Variants in ETV1 observed in about 807,000 individuals in gnomAD.
ETV1 encodes ETS translocation variant 1.
ETV1 carries 27 observed loss-of-function variants against 62.3 expected under a neutral mutation model. That is an observed-to-expected ratio of 0.43 (90% confidence interval 0.32 to 0.60). The LOEUF is 0.60. ETV1 is among the 20% of genes least tolerant of loss of function. ETV1 has a pLI of 0.06. For synonymous variants in ETV1, 222 were observed against 199.6 expected (o/e 1.11, Z -0.94); for missense variants, 605 against 605.8 (o/e 1.00, Z 0.01).
At chr7:13,921,370 C>T (rs1784829270) in intron 9 of ETV1, among the ~76,000 whole-genome samples, 1 of 151,984 alleles carries the variant, frequency 6.6e-6, no homozygotes, top group Non-Finnish European at 1.5e-5. Flanking sequence ...AATATATAAG[C>T]AATTATGGAA....
intron 13 of ETV1, among the ~76,000 whole-genome samples, chr7:13,896,715 G>GAA (rs2128400341): frequency 1.0e-5 from 1 of 99,566 alleles, no homozygotes; most frequent in South Asian, 3.4e-4. Context: ...AAAGAAAGGA[G>GAA]AGAGAAAGAA....
chr7:13,986,160 C>T, intron 5 of ETV1: 2 of 1,594,652 alleles, frequency 1.3e-6, no homozygotes, highest in Non-Finnish European at 1.7e-6. Context: ...GACACTTGCA[C>T]TTAAATCTTG....
At chr7:13,957,576 G>A (rs1406280083) in intron 6 of ETV1, among the ~76,000 whole-genome samples, 1 of 152,186 alleles carries the variant, frequency 6.6e-6, no homozygotes, top group South Asian at 2.1e-4. Flanking sequence ...GTGGAAACTT[G>A]CATATGGAAT....
intron 9 of ETV1, among the ~76,000 whole-genome samples, chr7:13,927,452 A>AAAATAC (rs1350048372): frequency 2.0e-5 from 3 of 152,212 alleles, no homozygotes; most frequent in East Asian, 3.9e-4. Flanking sequence ...ACTACATCTC[A>AAAATAC]AAATACAAAT....
intron 5 of ETV1, among the ~76,000 whole-genome samples, chr7:13,981,016 G>A (rs912396989): frequency 4.0e-5 from 6 of 151,876 alleles, no homozygotes; most frequent in Admixed American, 6.6e-5. Flanking sequence ...GAAAAAGTAA[G>A]CGATGAAAAA....
At position 13,893,439 on chromosome 7, in the gene ETV1, G is replaced by T. The variant is rs897836518; in HGVS notation, c.*2427C>A. 1 of 230,350 alleles carries T rather than the reference G, an allele frequency of 4.3e-6. No individual in the cohort carries two copies. Among genetic ancestry groups the T allele is most frequent in the African/African-American group, 2.2e-5 (1 of 45,194 alleles). The allele number at this position is 230,350 out of a possible 1,614,324, so 14.3% of individuals were successfully genotyped here. A position where few individuals can be genotyped will look rare whatever the true frequency, so the allele number is the denominator to read the frequency against. On this transcript the variant is annotated 3_prime_UTR_variant, in exon 14 of 14. Transcript: ENST00000430479. ...TGTATTGGAAATACACTTAATGTTG[G>T]TCAATTATGTATTTAGTTCAGTGAG...
At chr7:13,938,827 C>A (rs933756259) in intron 7 of ETV1, among the ~76,000 whole-genome samples, 9 of 152,316 alleles carry the variant, frequency 5.9e-5, no homozygotes, top group African/African-American at 2.2e-4. Context: ...CTAATGGGAA[C>A]TTTCAAAAGC....
At chr7:13,917,297 T>G (rs1784285243) in intron 9 of ETV1, among the ~76,000 whole-genome samples, 1 of 128,278 alleles carries the variant, frequency 7.8e-6, no homozygotes, top group Admixed American at 7.9e-5. Context: ...AGTATTTATT[T>G]ATTTATTTAT....
intron 5 of ETV1, among the ~76,000 whole-genome samples, chr7:13,981,891 T>C (rs969325276): frequency 6.6e-6 from 1 of 152,042 alleles, no homozygotes; most frequent in Non-Finnish European, 1.5e-5. Flanking sequence ...TAATCCTAAA[T>C]TGAAGCTACA....
chr7:13,938,006 C>T (rs1360139407), intron 7 of ETV1, among the ~76,000 whole-genome samples: 7 of 152,170 alleles, frequency 4.6e-5, no homozygotes, highest in African/African-American at 1.2e-4. Flanking sequence ...AGTGCAATGG[C>T]GCGATCTCGG....
chr7:13,947,941 T>C (rs1050223316), intron 6 of ETV1, among the ~76,000 whole-genome samples: 2 of 152,194 alleles, frequency 1.3e-5, no homozygotes, highest in Non-Finnish European at 2.9e-5. Context: ...CATTAGGCAG[T>C]ATTCTTTAAG....
At chr7:13,979,128 A>T (rs540791472) in intron 5 of ETV1, among the ~76,000 whole-genome samples, 2 of 152,098 alleles carry the variant, frequency 1.3e-5, no homozygotes, top group East Asian at 3.9e-4. Context: ...GTGACATGCT[A>T]GTTGTGCAAC....
chr7:13,972,796 T>C (rs1781036930), intron 6 of ETV1, among the ~76,000 whole-genome samples: 1 of 152,128 alleles, frequency 6.6e-6, no homozygotes, highest in South Asian at 2.1e-4. Context: ...TTCTGATAGA[T>C]ACAGGGTCTC....
At chr7:13,901,177 G>A (rs563678884) in intron 12 of ETV1, among the ~76,000 whole-genome samples, 1 of 152,194 alleles carries the variant, frequency 6.6e-6, no homozygotes, top group African/African-American at 2.4e-5. Context: ...GCTAATTTTT[G>A]TATTTTTAGT....
intron 9 of ETV1, among the ~76,000 whole-genome samples, chr7:13,913,862 C>T (rs1284695069): frequency 7.0e-6 from 1 of 142,968 alleles, no homozygotes; most frequent in East Asian, 2.1e-4. Context: ...GATGCTTTAA[C>T]TATTTGGGGG....
At chr7:13,918,032 A>G (rs1194407000) in intron 9 of ETV1, among the ~76,000 whole-genome samples, 3 of 152,136 alleles carry the variant, frequency 2.0e-5, no homozygotes, top group African/African-American at 7.2e-5. Context: ...GGGCCACACA[A>G]AATTCTGAAG....
At chr7:13,909,744 G>T in intron 10 of ETV1, 44 bp from the exon 11 acceptor site, 1 of 1,452,080 alleles carries the variant, frequency 6.9e-7, no homozygotes, top group Non-Finnish European at 9.6e-7. Flanking sequence ...TAGAAATGAA[G>T]CTCACAAACA....
At chr7:13,912,414 T>C (rs1783654601) in intron 9 of ETV1, among the ~76,000 whole-genome samples, 1 of 152,348 alleles carries the variant, frequency 6.6e-6, no homozygotes, top group East Asian at 1.9e-4. Flanking sequence ...ACCATCTCTA[T>C]TCAAATGGCT....
chr7:13,940,323 T>C (rs750965773), intron 6 of ETV1, among the ~76,000 whole-genome samples: 3 of 149,298 alleles, frequency 2.0e-5, no homozygotes, highest in Non-Finnish European at 4.4e-5. Context: ...GATCATGCCA[T>C]TGCACTCCAG....
Sources: allele counts gnomAD v4.1 joint callset (sites outside exome capture counted in the v4.1 genomes callset), GRCh38; gene constraint gnomAD v4.1.1; transcripts MANE v1.5; gene names NCBI Gene and HGNC (gene_info 2026-07-23, HGNC 2026-07-21).